SLC4A4: variants seen among roughly 807,000 people sequenced by gnomAD.
The protein encoded by SLC4A4 is solute carrier family 4 member 4.
Under a neutral mutation model 111.5 loss-of-function variants are expected in SLC4A4, and 27 were observed. The ratio of observed to expected loss-of-function variants is 0.24; its 90% CI spans 0.18 to 0.33. The LOEUF is 0.33. Among genes scored for constraint, SLC4A4 ranks in the 10% least tolerant of loss-of-function variants. SLC4A4 has a pLI of 1.00. For synonymous variants in SLC4A4, 443 were observed against 463.4 expected (o/e 0.96, Z 0.57); for missense variants, 909 against 1,315.5 (o/e 0.69, Z 4.78).
chr4:71,150,447 C>G (rs1744285119), intron 2 of SLC4A4, among the ~76,000 whole-genome samples: 1 of 151,996 alleles, frequency 6.6e-6, no homozygotes, highest in Non-Finnish European at 1.5e-5. Context: ...ATCCTGATTC[C>G]CTCATGTGCA....
Position 71,488,119 on chromosome 4 carries a change from A to G in SLC4A4, c.1974+1101A>G, listed in dbSNP as rs1438601081. Reference sequence around the variant, plus strand: ...TTTTATTCAAAATTCTTATAGTAAAAATATAATTAATAAACTATAATTTAA... The same window carrying G: ...TTTTATTCAAAATTCTTATAGTAAAGATATAATTAATAAACTATAATTTAA... On this transcript the variant is annotated intron_variant, in intron 15 of 25. Transcript: ENST00000264485. Among the ~76,000 whole-genome samples, 6 of 149,448 alleles carry G rather than the reference A, an allele frequency of 4.0e-5. No individual in the cohort carries two copies. The East Asian group carries it at 1.2e-3, about 29-fold the overall frequency.
intron 1 of SLC4A4, among the ~76,000 whole-genome samples, chr4:71,223,801 T>C (rs1430036686): frequency 6.6e-6 from 1 of 151,432 alleles, no homozygotes; most frequent in Admixed American, 6.6e-5. Context: ...GAACTCGGAG[T>C]CTCAAAGCCC....
chr4:71,308,592 G>T (rs1560397563), intron 3 of SLC4A4, among the ~76,000 whole-genome samples: 1 of 152,186 alleles, frequency 6.6e-6, no homozygotes, highest in Non-Finnish European at 1.5e-5. Flanking sequence ...AGCAGAGGGG[G>T]TTGTCGCCTC....
intron 2 of SLC4A4, among the ~76,000 whole-genome samples, chr4:71,243,525 T>G (rs1330698859): frequency 6.6e-6 from 1 of 152,164 alleles, no homozygotes; most frequent in Non-Finnish European, 1.5e-5. Flanking sequence ...TTTTATTTTA[T>G]TTTGTTTTAT....
intron 7 of SLC4A4, among the ~76,000 whole-genome samples, chr4:71,432,525 A>G (rs907943067): frequency 1.3e-5 from 2 of 152,194 alleles, no homozygotes; most frequent in Non-Finnish European, 2.9e-5. Flanking sequence ...ATTTTTTTAA[A>G]AATATTAGTA....
At chr4:71,115,416 C>T (rs1180010630) in intron 2 of SLC4A4, among the ~76,000 whole-genome samples, 3 of 151,746 alleles carry the variant, frequency 2.0e-5, no homozygotes, top group Non-Finnish European at 2.9e-5. Context: ...GCAAACAAAA[C>T]AAAACAAAAC....
intron 18 of SLC4A4, 29 bp from the exon 19 acceptor site, chr4:71,546,321 T>A: frequency 6.3e-7 from 1 of 1,595,520 alleles, no homozygotes; most frequent in Non-Finnish European, 8.6e-7. Context: ...AGTCTTTTCT[T>A]CACATGGTTT....
chr4:71,357,108 G>A lies in SLC4A4; in HGVS notation c.651G>A (p.Lys217=), dbSNP rs1176374724. ...TCCGGAAGCACCGGCATCAAACCAAGAAATCCAACCTTCGGTCCCTGGCTG... is the reference window on the plus strand; with the variant it reads ...TCCGGAAGCACCGGCATCAAACCAAAAAATCCAACCTTCGGTCCCTGGCTG... The part of the protein sequence containing the change: ...TLLRKHRHQT[K]KSNLRSLADI... Residue 217 remains lysine (K), a synonymous_variant, in exon 6 of 26, where the codon AAG becomes AAA. Transcript: ENST00000264485. 6.2e-7 allele frequency: 1 copy of A among 1,614,038 alleles called. No individual in the cohort carries two copies. The highest frequency in any genetic ancestry group is 1.3e-5 in the African/African-American group (1 of 74,918).
chr4:71,480,716 A>G (rs1475972564), intron 14 of SLC4A4, among the ~76,000 whole-genome samples: 2 of 151,734 alleles, frequency 1.3e-5, no homozygotes, highest in African/African-American at 4.8e-5. Flanking sequence ...TTAAAGTTTC[A>G]TTATCATGGA....
chr4:71,412,533 A>G (rs1177249182), intron 7 of SLC4A4, among the ~76,000 whole-genome samples: 1 of 152,216 alleles, frequency 6.6e-6, no homozygotes, highest in African/African-American at 2.4e-5. Flanking sequence ...TAGGAAATTG[A>G]GCTTTGTCAC....
intron 7 of SLC4A4, among the ~76,000 whole-genome samples, chr4:71,418,692 C>T (rs1722042974): frequency 6.6e-6 from 1 of 152,154 alleles, no homozygotes; most frequent in African/African-American, 2.4e-5. Flanking sequence ...GTAATTATCC[C>T]AGGGGTTTTC....
At chr4:71,545,635 C>T (rs1735453501) in intron 18 of SLC4A4, among the ~76,000 whole-genome samples, 1 of 151,918 alleles carries the variant, frequency 6.6e-6, no homozygotes, top group Non-Finnish European at 1.5e-5. Flanking sequence ...GACCATTGGG[C>T]AATGTTTGAA....
intron 1 of SLC4A4, among the ~76,000 whole-genome samples, chr4:71,201,055 G>A (rs1181685074): frequency 6.6e-6 from 1 of 152,140 alleles, no homozygotes; most frequent in Non-Finnish European, 1.5e-5. Flanking sequence ...GAGAGCCCAG[G>A]CTTGAATCCT....
chr4:71,156,144 C>A (rs903343666), intron 2 of SLC4A4, among the ~76,000 whole-genome samples: 3 of 152,210 alleles, frequency 2.0e-5, no homozygotes, highest in Admixed American at 2.0e-4. Context: ...ACCAGGCCAA[C>A]TCTGTGGCAT....
chr4:71,106,662 CTA>C (rs1459689286), intron 2 of SLC4A4, among the ~76,000 whole-genome samples: 9 of 146,270 alleles, frequency 6.2e-5, no homozygotes, highest in Non-Finnish European at 1.0e-4. Context: ...TCTCAGTAAA[CTA>C]TTGCAAGAAC....
At chr4:71,268,023 C>A (rs546825251) in intron 3 of SLC4A4, among the ~76,000 whole-genome samples, 1 of 144,480 alleles carries the variant, frequency 6.9e-6, no homozygotes, top group East Asian at 2.1e-4. Flanking sequence ...CATCTTATAA[C>A]CTTTTCTGCA....
At chr4:71,190,755 A>G (rs1745696376) in intron 1 of SLC4A4, among the ~76,000 whole-genome samples, 1 of 152,200 alleles carries the variant, frequency 6.6e-6, no homozygotes, top group Admixed American at 6.5e-5. Context: ...TCCTGTCTGT[A>G]AAAAATGAAC....
rs771841334 is a variant in SLC4A4 at position 71,156,573 on chromosome 4, T to TGC, written c.-2+63796_-2+63797dup. Among the ~76,000 whole-genome samples the TGC allele has an allele frequency of 5.8e-3, 499 of 85,688 alleles. 4 individuals are homozygous for TGC. Among genetic ancestry groups the TGC allele is most frequent in the South Asian group, 0.017 (56 of 3,322 alleles). 56.2% of individuals were successfully genotyped at this position (85,688 alleles called of 152,430 possible). The stretch of plus-strand genomic sequence containing the variant: ...ATGTCCAAATAAGTGTGTGCGCGCA[T>TGC]GCGCGCGCGCGCGCGCACACACACA... On this transcript the variant is annotated intron_variant, in intron 2 of 26. Coordinates refer to the SLC4A4 transcript ENST00000649996.
chr4:71,320,385 C>A (rs1207947227), intron 3 of SLC4A4, among the ~76,000 whole-genome samples: 1 of 151,920 alleles, frequency 6.6e-6, no homozygotes, highest in African/African-American at 2.4e-5. Flanking sequence ...GCACTGTGGC[C>A]TCCTCTTGTG....
Sources: gnomAD v4.1 joint callset for allele counts (sites outside exome capture counted in the v4.1 genomes callset) on GRCh38, gnomAD v4.1.1 for gene constraint, MANE v1.5 for transcripts, NCBI Gene and HGNC (gene_info 2026-07-23, HGNC 2026-07-21) for gene names.